Variants in KMT2C observed in about 807,000 individuals in gnomAD.
The protein encoded by KMT2C is lysine methyltransferase 2C, also known as histone-lysine N-methyltransferase 2C.
KMT2C carries 88 observed loss-of-function variants against 507.9 expected under a neutral mutation model. That is an observed-to-expected ratio of 0.17 (90% CI 0.15 to 0.21). KMT2C has a LOEUF of 0.21. KMT2C is among the 10% of genes least tolerant of loss of function. The pLI is 1.00. For missense variants in KMT2C, 4,954 were observed against 5,957.8 expected, an observed-to-expected ratio of 0.83 and a Z score of 5.55; for synonymous variants, 2,049 against 2,080.8, an observed-to-expected ratio of 0.98 and a Z score of 0.42.
At position 152,198,681 on chromosome 7, in the gene KMT2C, C is replaced by T. The variant is rs60740028; in HGVS notation, c.4273+598G>A. Among the ~76,000 whole-genome samples, 268 of 152,108 alleles carry T rather than the reference C, an allele frequency of 1.8e-3. 1 individual carries two copies. Among genetic ancestry groups the T allele is most frequent in the African/African-American group, 6.2e-3 (256 of 41,480 alleles). On this transcript the variant is annotated intron_variant, in intron 27 of 58. Coordinates refer to ENST00000262189, the MANE Select transcript of KMT2C (RefSeq NM_170606.3). ...TGCATTTAGGATAATGGTTCTCAAC[C>T]GGGGGTGATTTTGCCCACCAAAACC... is the stretch of plus-strand genomic sequence containing the variant.
In KMT2C at chr7:152,151,026, T is replaced by C. The variant is rs542152081; in HGVS notation, c.12667-19A>G. On this transcript the variant is annotated intron_variant, in intron 50 of 58. Transcript: ENST00000262189. ...GGGAATCCTGAAAAGCAAAGAGAAA[T>C]GTGTGGGAATCTCAACAAGTCAAAA... 68 of 1,457,336 alleles carry C rather than the reference T, an allele frequency of 4.7e-5. No individual in the cohort carries two copies. In the South Asian group the frequency reaches 6.1e-4, roughly 13 times the overall value. 90.3% of individuals were successfully genotyped at this position (1,457,336 alleles called of 1,614,324 possible).
intron 18 of KMT2C, among the ~76,000 whole-genome samples, chr7:152,225,522 T>C (rs2094900120): frequency 6.6e-6 from 1 of 152,198 alleles, no homozygotes; most frequent in Admixed American, 6.5e-5. Context: ...CAAGCAACTA[T>C]GTGTGAAGAC....
intron 3 of KMT2C, among the ~76,000 whole-genome samples, chr7:152,323,481 T>G (rs951785116): frequency 6.6e-6 from 1 of 151,100 alleles, no homozygotes; most frequent in African/African-American, 2.4e-5. Context: ...CTACATAAAA[T>G]TTTAAAAATT....
intron 14 of KMT2C, among the ~76,000 whole-genome samples, chr7:152,242,788 C>G (rs2095409184): frequency 6.6e-6 from 1 of 152,158 alleles, no homozygotes; most frequent in African/African-American, 2.4e-5. Context: ...GTCACTCTTA[C>G]AGCCCAAGAG....
intron 2 of KMT2C, among the ~76,000 whole-genome samples, chr7:152,334,189 C>T (rs1368853458): frequency 1.3e-5 from 2 of 152,182 alleles, no homozygotes; most frequent in Non-Finnish European, 2.9e-5. Flanking sequence ...GGTGCGGTGG[C>T]TCACGCCTGT....
chr7:152,338,136 G>A (rs1423873771), intron 2 of KMT2C, among the ~76,000 whole-genome samples: 1 of 152,100 alleles, frequency 6.6e-6, no homozygotes, highest in Non-Finnish European at 1.5e-5. Context: ...GGGATTACAG[G>A]CATGAGCCAC....
Position 152,177,015 on chromosome 7 carries a change from T to C in KMT2C, c.8438A>G (p.Gln2813Arg), listed in dbSNP as rs927421885. The change falls in exon 38 of 59, where the codon CAG becomes CGG. Residue 2813 changes from glutamine to arginine, a missense_variant. This residue lies in a region of KMT2C where 1,689 missense variants were observed against 1,654.3 expected (regional missense o/e 1.02). Coordinates refer to ENST00000262189, the MANE Select transcript of KMT2C (RefSeq NM_170606.3). ...TLVLSDKHSP[Q>R]KKSTVTNEVK... ...CTCATTGGTAACAGTGGATTTTTTC[T>C]GTGGTGAATGTTTATCAGAGAGAAC... The C allele has an allele frequency of 6.2e-7, 1 of 1,614,038 alleles. No homozygotes were observed. Among genetic ancestry groups the C allele is most frequent in the Non-Finnish European group, 8.5e-7 (1 of 1,180,042 alleles).
At chr7:152,430,523 G>C (rs2097855333) in intron 1 of KMT2C, among the ~76,000 whole-genome samples, 1 of 152,174 alleles carries the variant, frequency 6.6e-6, no homozygotes, top group Non-Finnish European at 1.5e-5. Context: ...CAAGAGTGCA[G>C]AGAGACCATC....
chr7:152,330,844 CA>C (rs2096875466), intron 2 of KMT2C, 105 bp from the exon 3 acceptor site: 2 of 1,066,178 alleles, frequency 1.9e-6, no homozygotes, highest in South Asian at 1.5e-5. Flanking sequence ...AAAGAAACAA[CA>C]AATAACAATA....
Position 152,252,565 on chromosome 7 carries a change from G to A in KMT2C, c.1450C>T (p.His484Tyr), listed in dbSNP as rs768156400. 12 of 1,612,790 alleles carry A rather than the reference G, an allele frequency of 7.4e-6. No individual in the cohort carries two copies. The highest frequency in any genetic ancestry group is 3.3e-5 in the Admixed American group (2 of 59,958). ...TCTTACCTTTTGCACATATTACAAT[G>A]AAGCATGTCTTTCTGCAATTCTGGA... is the stretch of plus-strand genomic sequence containing the variant. ...YHPELQKDML[H>Y]CNMCKRWVHL... Residue 484 changes from histidine (H) to tyrosine (Y), a missense_variant, in exon 10 of 59, where the codon CAT becomes TAT. Around this residue, in one of 29 missense-constraint regions of KMT2C, gnomAD observed 376 missense variants for 352.4 expected, o/e 1.07. Transcript: ENST00000262189.
chr7:152,330,412 T>G (rs187985164), intron 3 of KMT2C, among the ~76,000 whole-genome samples, 189 bp downstream of exon 3: 11 of 152,170 alleles, frequency 7.2e-5, no homozygotes, highest in African/African-American at 2.6e-4. Flanking sequence ...TGCTCTACAA[T>G]TGCCTAAGCC....
chr7:152,182,609 A>G lies in KMT2C; in HGVS notation c.5266-15T>C, dbSNP rs1436855912. 7.9e-6 allele frequency: 12 copies of G among 1,528,512 alleles called. No individual in the cohort carries two copies. Among genetic ancestry groups the G allele is most frequent in the Non-Finnish European group, 1.1e-5 (12 of 1,140,128 alleles). The allele number at this position is 1,528,512 out of a possible 1,614,324, so 94.7% of individuals were successfully genotyped here. Reference sequence around the variant, plus strand: ...TGACGCATTTGCTATTAAAATAGAAAAGAAAAAGCAATCATATTTAGGTTA... The same window carrying G: ...TGACGCATTTGCTATTAAAATAGAAGAGAAAAAGCAATCATATTTAGGTTA... On this transcript the variant is annotated splice_polypyrimidine_tract_variant and intron_variant, in intron 35 of 58. Transcript: ENST00000262189.
Position 152,144,700 on chromosome 7 carries a change from A to G in KMT2C, c.14343+13T>C, listed in dbSNP as rs2090933027. 6.2e-7 allele frequency: 1 copy of G among 1,610,714 alleles called. No homozygotes were observed. The highest frequency in any genetic ancestry group is 8.5e-7 in the Non-Finnish European group (1 of 1,177,436). On this transcript the variant is annotated intron_variant, in intron 55 of 58. Transcript: ENST00000262189. The surrounding 1 kb of genome is among the most constrained non-coding windows in gnomAD (Gnocchi z 4.4). ...CTGTCTCTCCACTTCCTGTACACAA[A>G]GTATTTCTTCACCTGAATCCGAGAC...
chr7:152,428,245 T>C (rs986076349), intron 1 of KMT2C, among the ~76,000 whole-genome samples: 1 of 152,116 alleles, frequency 6.6e-6, no homozygotes, highest in South Asian at 2.1e-4. Context: ...AGATTAAACC[T>C]AGCCTACAAA....
chr7:152,379,650 T>G (rs1162366809), intron 1 of KMT2C, among the ~76,000 whole-genome samples: 1 of 152,266 alleles, frequency 6.6e-6, no homozygotes, highest in African/African-American at 2.4e-5. Context: ...GAGGATCACT[T>G]GACCCCAGGA....
chr7:152,289,811 C>T (rs1177288116), intron 6 of KMT2C, among the ~76,000 whole-genome samples: 3 of 151,892 alleles, frequency 2.0e-5, no homozygotes, highest in South Asian at 2.1e-4. Flanking sequence ...ACTTGTAATC[C>T]CAGCACTTTG....
intron 4 of KMT2C, 85 bp from the exon 5 acceptor site, chr7:152,312,031 A>G (rs2129200736): frequency 9.5e-7 from 1 of 1,047,582 alleles, no homozygotes; most frequent in Non-Finnish European, 1.3e-6. Flanking sequence ...ATGTACTGCC[A>G]AATCAATTTT....
chr7:152,311,747 T>G, intron 5 of KMT2C, 51 bp downstream of exon 5: 1 of 1,407,594 alleles, frequency 7.1e-7, no homozygotes, highest in South Asian at 1.4e-5. Flanking sequence ...GTATTAAAAT[T>G]AAAATGCTTC....
Position 152,252,687 on chromosome 7 carries a change from G to C in KMT2C, c.1328C>G (p.Thr443Arg), listed in dbSNP as rs1162701419. The change falls in exon 10 of 59, where the codon ACA (threonine) becomes AGA (arginine). Residue 443 changes from threonine (T) to arginine (R), a missense_variant. Around this residue, in one of 29 missense-constraint regions of KMT2C, gnomAD observed 376 missense variants for 352.4 expected, o/e 1.07. Coordinates refer to ENST00000262189, the MANE Select transcript of KMT2C (RefSeq NM_170606.3). The stretch of plus-strand genomic sequence containing the variant: ...GTGGTGCCACTGAGAACTAGACCGT[G>C]TGCCACACTCTATACATATTCTGCA... ...KNCRICIECG[T>R]RSSSQWHHNC... 1 of 1,612,884 alleles carries C rather than the reference G, an allele frequency of 6.2e-7. No individual in the cohort carries two copies. Among genetic ancestry groups the C allele is most frequent in the Non-Finnish European group, 8.5e-7 (1 of 1,179,344 alleles).
Sources: gnomAD v4.1 joint callset for allele counts (sites outside exome capture counted in the v4.1 genomes callset) on GRCh38, gnomAD v4.1.1 for gene constraint, gnomAD v4.1.1 regional missense constraint, Gnocchi (gnomAD v3.1) non-coding constraint, MANE v1.5 for transcripts, NCBI Gene and HGNC (gene_info 2026-07-23, HGNC 2026-07-21) for gene names.